The following CNTNAP4 variants were observed in gnomAD, a reference collection of about 807,000 sequenced individuals.
The protein encoded by CNTNAP4 is contactin-associated protein-like 4.
Under a neutral mutation model 148.4 loss-of-function variants are expected in CNTNAP4, and 98 were observed. The ratio of observed to expected loss-of-function variants is 0.66; its 90% CI spans 0.56 to 0.78. The LOEUF is 0.78. Ranked by LOEUF, CNTNAP4 falls within the 30% of genes least tolerant of loss-of-function variation. The probability of loss-of-function intolerance (pLI) is 0.00; values close to 1 mark genes in which losing one functional copy is unlikely to be tolerated. For missense variants in CNTNAP4, 1,935 were observed against 1,565.6 expected (o/e 1.24, Z -3.98); for synonymous variants, 730 against 565.1 (o/e 1.29, Z -4.14).
rs1218058244 is a variant in CNTNAP4, at chr16:76,333,494, A to G, written c.196+16971A>G. Among the ~76,000 whole-genome samples the G allele has an allele frequency of 2.6e-5, 4 of 151,822 alleles. No individual in the cohort carries two copies. The South Asian group carries it at 8.3e-4, about 32-fold the overall frequency. On this transcript the variant is annotated intron_variant, in intron 2 of 23. Coordinates refer to ENST00000611870, the MANE Select transcript of CNTNAP4 (RefSeq NM_033401.5). ...CTATTTGTTGAGACATCATTCTCCT[A>G]TTTTTCATTAATTGTTTGTACATTG...
chr16:76,451,360 C>T (rs2080464973), intron 7 of CNTNAP4, among the ~76,000 whole-genome samples: 1 of 152,034 alleles, frequency 6.6e-6, no homozygotes, highest in Non-Finnish European at 1.5e-5. Context: ...AAAATACAGG[C>T]ACATATTGAT....
intron 1 of CNTNAP4, among the ~76,000 whole-genome samples, chr16:76,315,588 A>C (rs1961635891): frequency 1.3e-5 from 2 of 152,054 alleles, no homozygotes. Flanking sequence ...TTTATATAGG[A>C]TCTGTGCTGT....
In CNTNAP4 at chr16:76,560,707, G is replaced by T. The variant is rs2085381393; in HGVS notation, c.*2024G>T. On this transcript the variant is annotated 3_prime_UTR_variant, in exon 24 of 24. Transcript: ENST00000611870. ...TCCTATGCCATGACTTTAATTTCCTGATTTGTAATCTCTTATTTTATCATT... is the reference window on the plus strand; with the variant it reads ...TCCTATGCCATGACTTTAATTTCCTTATTTGTAATCTCTTATTTTATCATT... Among the ~76,000 whole-genome samples the T allele has an allele frequency of 6.6e-6, 1 of 152,146 alleles. No homozygotes were observed. The highest frequency in any genetic ancestry group is 1.5e-5 in the Non-Finnish European group (1 of 68,026).
At chr16:76,307,539 T>TATGTATATAC (rs558814796) in intron 1 of CNTNAP4, among the ~76,000 whole-genome samples, 7 of 119,378 alleles carry the variant, frequency 5.9e-5, no homozygotes, top group African/African-American at 2.3e-4. Flanking sequence ...TATATATATA[T>TATGTATATAC]ACCAAACTCC....
intron 15 of CNTNAP4, among the ~76,000 whole-genome samples, chr16:76,518,406 G>A (rs1207630180): frequency 1.3e-5 from 2 of 152,078 alleles, no homozygotes; most frequent in Non-Finnish European, 2.9e-5. Context: ...GGGATTACAG[G>A]CATGAGCCAC....
At chr16:76,535,511 G>A in intron 17 of CNTNAP4, 34 bp from the exon 18 acceptor site, 2 of 1,608,074 alleles carry the variant, frequency 1.2e-6, no homozygotes, top group Non-Finnish European at 1.7e-6. Context: ...AAACACCTAG[G>A]AACATGTTTC....
chr16:76,349,136 C>G (rs1253382499), intron 2 of CNTNAP4, among the ~76,000 whole-genome samples: 1 of 152,086 alleles, frequency 6.6e-6, no homozygotes, highest in Non-Finnish European at 1.5e-5. Flanking sequence ...AGAACTTGAT[C>G]TCACTTCATT....
intron 2 of CNTNAP4, among the ~76,000 whole-genome samples, chr16:76,350,451 A>G (rs967812630): frequency 5.9e-5 from 9 of 152,334 alleles, no homozygotes; most frequent in African/African-American, 1.4e-4. Context: ...TTAGCATACA[A>G]TAGGCACTGG....
chr16:76,542,625 C>G (rs1302511867), intron 21 of CNTNAP4, among the ~76,000 whole-genome samples: 1 of 152,164 alleles, frequency 6.6e-6, no homozygotes, highest in African/African-American at 2.4e-5. Flanking sequence ...GCCCCAACCT[C>G]TGCAATGAGG....
chr16:76,446,055 A>G (rs1394441238), intron 4 of CNTNAP4, among the ~76,000 whole-genome samples: 1 of 149,998 alleles, frequency 6.7e-6, no homozygotes, highest in Non-Finnish European at 1.5e-5. Context: ...CACTTGGTGA[A>G]TGAATTCTCT....
intron 12 of CNTNAP4, among the ~76,000 whole-genome samples, chr16:76,488,182 A>T (rs1279532892): frequency 6.6e-6 from 1 of 152,156 alleles, no homozygotes; most frequent in Non-Finnish European, 1.5e-5. Context: ...TTTAATTTCC[A>T]AATTTGGAAA....
chr16:76,480,446 C>G (rs947735729), intron 12 of CNTNAP4, among the ~76,000 whole-genome samples: 4 of 152,026 alleles, frequency 2.6e-5, no homozygotes, highest in African/African-American at 7.2e-5. Context: ...AACTAATATC[C>G]TAAATAAATG....
chr16:76,527,694 A>C (rs1270973575), intron 17 of CNTNAP4, among the ~76,000 whole-genome samples: 1 of 152,236 alleles, frequency 6.6e-6, no homozygotes, highest in Admixed American at 6.5e-5. Context: ...GACTATAGTT[A>C]ATAAAATTGT....
intron 1 of CNTNAP4, among the ~76,000 whole-genome samples, chr16:76,313,540 C>T (rs1459508074): frequency 6.6e-6 from 1 of 152,106 alleles, no homozygotes; most frequent in Non-Finnish European, 1.5e-5. Context: ...CTTTTTATGT[C>T]TGTATTCCTT....
Position 76,516,550 on chromosome 16 carries a change from C to T in CNTNAP4, c.2366-4590C>T, listed in dbSNP as rs144899635. Among the ~76,000 whole-genome samples the T allele has an allele frequency of 1.0e-3, 156 of 152,320 alleles. 1 individual carries two copies. The highest frequency in any genetic ancestry group is 3.6e-3 in the African/African-American group (151 of 41,584). On this transcript the variant is annotated intron_variant, in intron 15 of 23. Coordinates refer to ENST00000611870, the MANE Select transcript of CNTNAP4 (RefSeq NM_033401.5). The stretch of plus-strand genomic sequence containing the variant: ...ACTCTCATACAATCCAGTGATTGTA[C>T]TCTTGGGCATTTTCCCCAGGGAACT...
At chr16:76,315,714 C>A (rs1031122657) in intron 1 of CNTNAP4, among the ~76,000 whole-genome samples, 1 of 152,092 alleles carries the variant, frequency 6.6e-6, no homozygotes, top group Non-Finnish European at 1.5e-5. Flanking sequence ...CCTGCCTCAG[C>A]CTCCCTAGCA....
In CNTNAP4 at chr16:76,293,130, CT is replaced by C. The variant is rs201112549; in HGVS notation, c.85+15394del. Among the ~76,000 whole-genome samples, 868 of 147,596 alleles carry C rather than the reference CT, an allele frequency of 5.9e-3. 2 individuals carry two copies. The highest frequency in any genetic ancestry group is 9.5e-3 in the African/African-American group (383 of 40,472). ...CTTAATATTTCTTTTTTCTTTCTTT[CT>C]TTTTTTTTTTCTTTTCCGGAGCCTC... On this transcript the variant is annotated intron_variant, in intron 1 of 23. Transcript: ENST00000611870.
At chr16:76,346,658 A>G (rs1431246869) in intron 2 of CNTNAP4, among the ~76,000 whole-genome samples, 1 of 152,168 alleles carries the variant, frequency 6.6e-6, no homozygotes, top group Non-Finnish European at 1.5e-5. Flanking sequence ...TATGTGCTAA[A>G]AATCATTTTT....
intron 3 of CNTNAP4, among the ~76,000 whole-genome samples, chr16:76,397,940 A>T (rs1384745881): frequency 0.073 from 38 of 522 alleles, 2 homozygotes; most frequent in Non-Finnish European, 0.13. Flanking sequence ...CTAATAGATT[A>T]TATACATATA....
Sources: allele counts gnomAD v4.1 joint callset (sites outside exome capture counted in the v4.1 genomes callset), GRCh38; gene constraint gnomAD v4.1.1; transcripts MANE v1.5; gene names NCBI Gene and HGNC (gene_info 2026-07-23, HGNC 2026-07-21).